CCDC3: variants seen among roughly 807,000 people sequenced by gnomAD.
The protein encoded by CCDC3 is coiled-coil domain containing 3.
In CCDC3, 24 loss-of-function variants were observed where a neutral mutation model predicts 21.4. That is an observed-to-expected ratio of 1.12 (90% CI 0.81 to 1.58). The LOEUF is 1.58. Among genes scored for constraint, CCDC3 ranks in the 40% most tolerant of loss-of-function variants. The pLI is 0.00. For missense variants in CCDC3, 425 were observed against 360.9 expected, an observed-to-expected ratio of 1.18 and a Z score of -1.44; for synonymous variants, 186 against 166.0, an observed-to-expected ratio of 1.12 and a Z score of -0.93.
At position 13,001,552 on chromosome 10, in the gene CCDC3, G is replaced by T. The variant is rs1198191108; in HGVS notation, c.19C>A (p.Leu7Ile). The change falls in exon 1 of 3, where the codon CTC becomes ATC. Residue 7 changes from leucine (L) to isoleucine (I), a missense_variant. By Grantham distance (5) the Leu-to-Ile change is conservative (BLOSUM62 2). Coordinates refer to ENST00000378825, the MANE Select transcript of CCDC3 (RefSeq NM_031455.4). MLRQLL[L>I]AALCLAGPPA... ...GGACCCGCCAGGCAGAGCGCGGCGA[G>T]CAGCAGCTGGCGCAGCATGCCGGGC... 1 of 1,260,364 alleles carries T rather than the reference G, an allele frequency of 7.9e-7. No homozygotes were observed. Among genetic ancestry groups the T allele is most frequent in the Non-Finnish European group, 1.0e-6 (1 of 1,004,304 alleles). The allele number at this position is 1,260,364 out of a possible 1,614,324, so 78.1% of individuals were successfully genotyped here.
At chr10:13,041,594 C>T (rs1431955193) in intron 5 of CCDC3, among the ~76,000 whole-genome samples, 8 of 137,848 alleles carry the variant, frequency 5.8e-5, no homozygotes, top group South Asian at 2.4e-4. Context: ...GGTGCAATCT[C>T]GGCTGACTGC....
At chr10:12,975,525 A>T (rs936185707) in intron 2 of CCDC3, among the ~76,000 whole-genome samples, 1 of 152,142 alleles carries the variant, frequency 6.6e-6, no homozygotes. Flanking sequence ...TGGGCAAATC[A>T]ATGCTGAACC....
In CCDC3 at chr10:12,996,228, T is replaced by C. The variant is rs529082630; in HGVS notation, c.549+2110A>G. Among the ~76,000 whole-genome samples the C allele has an allele frequency of 3.3e-5, 5 of 152,262 alleles. No homozygotes were observed. In the South Asian group the frequency reaches 6.2e-4, roughly 19 times the overall value. The stretch of plus-strand genomic sequence containing the variant: ...ATAAAAACAGGTGCTTAGAACCACA[T>C]TGGGAGCAAACTACATGAGAAGCGT... On this transcript the variant is annotated intron_variant, in intron 2 of 2. Transcript: ENST00000378825.
rs1195352441 is a variant in CCDC3 at position 12,897,220 on chromosome 10, T to C, written c.*1196A>G. On this transcript the variant is annotated 3_prime_UTR_variant, in exon 3 of 3. Coordinates refer to ENST00000378825, the MANE Select transcript of CCDC3 (RefSeq NM_031455.4). ...AGATAACCCAGAAAAGGCCACCCAGTTGACTTCTTAATCACACAGCTGGGA... is the reference window on the plus strand; with the variant it reads ...AGATAACCCAGAAAAGGCCACCCAGCTGACTTCTTAATCACACAGCTGGGA... 6.6e-6 allele frequency: 1 copy of C among 152,216 alleles called. No individual in the cohort carries two copies. Among genetic ancestry groups the C allele is most frequent in the African/African-American group, 2.4e-5 (1 of 41,446 alleles). The allele number at this position is 152,216 out of a possible 1,614,324, so 9.4% of individuals were successfully genotyped here.
chr10:13,098,796 A>C (rs1310353414), intron 2 of CCDC3, among the ~76,000 whole-genome samples: 2 of 132,842 alleles, frequency 1.5e-5, no homozygotes, highest in Non-Finnish European at 3.0e-5. Context: ...GGCTCGCTGC[A>C]AGCTCTGCCT....
At chr10:12,933,871 T>C (rs1441325781) in intron 2 of CCDC3, among the ~76,000 whole-genome samples, 1 of 152,048 alleles carries the variant, frequency 6.6e-6, no homozygotes, top group Non-Finnish European at 1.5e-5. Flanking sequence ...TGGATAGAGG[T>C]TTATTGATTT....
At chr10:12,986,002 A>G (rs1034760141) in intron 2 of CCDC3, among the ~76,000 whole-genome samples, 5 of 152,174 alleles carry the variant, frequency 3.3e-5, no homozygotes. Flanking sequence ...CAGTCTCCTG[A>G]GTAGCTGGGA....
chr10:13,057,922 G>A, intron 4 of CCDC3: 1 of 546,446 alleles, frequency 1.8e-6, no homozygotes, highest in East Asian at 3.5e-5. Context: ...TCTTTTCATA[G>A]ACTGGATTCT....
chr10:12,904,782 T>C (rs1834146029), intron 2 of CCDC3, among the ~76,000 whole-genome samples: 2 of 152,120 alleles, frequency 1.3e-5, no homozygotes, highest in Admixed American at 1.3e-4. Flanking sequence ...CATGATACCA[T>C]CTAGAATCAC....
At chr10:12,926,201 G>A (rs1054320066) in intron 2 of CCDC3, among the ~76,000 whole-genome samples, 1 of 152,232 alleles carries the variant, frequency 6.6e-6, no homozygotes, top group Non-Finnish European at 1.5e-5. Flanking sequence ...GGAGTGTGAA[G>A]ACAGCTGGGA....
At chr10:12,948,067 T>C (rs1477973737) in intron 2 of CCDC3, among the ~76,000 whole-genome samples, 2 of 152,238 alleles carry the variant, frequency 1.3e-5, no homozygotes, top group East Asian at 3.8e-4. Context: ...TGAATTGTAA[T>C]AATCCCCATG....
chr10:12,937,080 G>T (rs1834750868), intron 2 of CCDC3, among the ~76,000 whole-genome samples: 1 of 150,986 alleles, frequency 6.6e-6, no homozygotes, highest in African/African-American at 2.4e-5. Flanking sequence ...TAAGCCTGGG[G>T]GCCGGCCAAT....
At chr10:12,899,071 G>T (rs914443236) in intron 2 of CCDC3, among the ~76,000 whole-genome samples, 31 of 152,098 alleles carry the variant, frequency 2.0e-4, no homozygotes, top group African/African-American at 7.0e-4. Flanking sequence ...ATTAACAAAG[G>T]CTGAGCCACT....
chr10:12,902,169 C>T (rs1438315444), intron 2 of CCDC3, among the ~76,000 whole-genome samples: 2 of 152,164 alleles, frequency 1.3e-5, no homozygotes, highest in African/African-American at 4.8e-5. Flanking sequence ...GCTGCCCTGG[C>T]CTTTTTAGGC....
intron 1 of CCDC3, among the ~76,000 whole-genome samples, chr10:12,999,935 C>CAT (rs1478464791): frequency 6.6e-6 from 1 of 152,166 alleles, no homozygotes; most frequent in Non-Finnish European, 1.5e-5. Flanking sequence ...GAAATACATA[C>CAT]ATATATATAA....
intron 4 of CCDC3, among the ~76,000 whole-genome samples, chr10:13,056,747 C>T (rs1836685832): frequency 6.6e-6 from 1 of 152,128 alleles, no homozygotes; most frequent in Admixed American, 6.6e-5. Flanking sequence ...GAACTTAGTA[C>T]TCTAGAATTT....
Position 13,057,224 on chromosome 10 carries a change from T to C in CCDC3, c.-269-7283A>G, listed in dbSNP as rs543095722. Among the ~76,000 whole-genome samples, 15 of 151,846 alleles carry C rather than the reference T, an allele frequency of 9.9e-5. No homozygotes were observed. In the South Asian group the frequency reaches 2.5e-3, roughly 25 times the overall value. On this transcript the variant is annotated intron_variant, in intron 4 of 6. Coordinates refer to the CCDC3 transcript ENST00000378839. ...CAGGAGGATTGCTTGAACCCAGGAG[T>C]TGAGGTTGAGTGAGCTATGGTGGTA...
exon 3 of CCDC3, chr10:13,098,540 C>G (rs997564462): frequency 6.6e-6 from 1 of 152,060 alleles, no homozygotes; most frequent in African/African-American, 2.4e-5. Context: ...GCACCCCTTA[C>G]AGGCCCCGGG....
In CCDC3 at chr10:12,966,980, T is replaced by C. The variant is rs11258092; in HGVS notation, c.549+31358A>G. On this transcript the variant is annotated intron_variant, in intron 2 of 2. Coordinates refer to ENST00000378825, the MANE Select transcript of CCDC3 (RefSeq NM_031455.4). ...ACGAACTGTCCAGGGTAACAGCCTG[T>C]ATCATCTTCCAGATCTCTTTTGCTG... Among the ~76,000 whole-genome samples the C allele has an allele frequency of 4.9e-3, 747 of 152,330 alleles. 6 individuals are homozygous for C. The highest frequency in any genetic ancestry group is 0.017 in the African/African-American group (707 of 41,580).
Sources: allele counts gnomAD v4.1 joint callset (sites outside exome capture counted in the v4.1 genomes callset), GRCh38; gene constraint gnomAD v4.1.1; transcripts MANE v1.5; gene names NCBI Gene and HGNC (gene_info 2026-07-23, HGNC 2026-07-21).